Variants in ENTREP2 observed in about 807,000 individuals in gnomAD.
ENTREP2 encodes the protein endosomal transmembrane epsin interactor 2.
the ENTREP2 span, among the ~76,000 whole-genome samples, chr15:29,280,910 G>A: frequency 2.2e-4 from 34 of 152,152 alleles, no homozygotes; most frequent in East Asian, 4.6e-3. Flanking sequence ...AATCCCACAC[G>A]TTTGAGAGAG....
the ENTREP2 span, among the ~76,000 whole-genome samples, chr15:29,286,534 T>C: frequency 1.3e-5 from 2 of 152,210 alleles, no homozygotes; most frequent in African/African-American, 4.8e-5. Context: ...AAATGTGAAC[T>C]CCTTTTGTGG....
the ENTREP2 span, among the ~76,000 whole-genome samples, chr15:29,238,190 A>G: frequency 6.6e-6 from 1 of 152,208 alleles, no homozygotes; most frequent in Non-Finnish European, 1.5e-5. Flanking sequence ...TAGCCCAGGG[A>G]TGGGGGCAAG....
chr15:29,560,529 G>A, the ENTREP2 span, among the ~76,000 whole-genome samples: 1 of 152,214 alleles, frequency 6.6e-6, no homozygotes, highest in East Asian at 1.9e-4. Context: ...TGTGTCCACT[G>A]CCAGGGTGTC....
the ENTREP2 span, among the ~76,000 whole-genome samples, chr15:29,656,630 G>A: frequency 1.3e-5 from 2 of 152,172 alleles, no homozygotes; most frequent in Admixed American, 6.5e-5. Flanking sequence ...TGCCAGGGAA[G>A]TGCAAATTAA....
the ENTREP2 span, among the ~76,000 whole-genome samples, chr15:29,561,400 G>A: frequency 6.6e-4 from 100 of 152,188 alleles, 1 homozygote; most frequent in East Asian, 0.017. Context: ...AAATGTAGAA[G>A]GAATGGGCCG....
chr15:29,568,753 TGAA>T, the ENTREP2 span, among the ~76,000 whole-genome samples: 2 of 151,382 alleles, frequency 1.3e-5, no homozygotes, highest in African/African-American at 2.4e-5. Context: ...TTAGAGCTGT[TGAA>T]GAGAATAACA....
At chr15:29,530,966 A>G in the ENTREP2 span, among the ~76,000 whole-genome samples, 1 of 152,088 alleles carries the variant, frequency 6.6e-6, no homozygotes, top group African/African-American at 2.4e-5. Flanking sequence ...TCAAATGCAG[A>G]CCCATCCCAA....
the ENTREP2 span, among the ~76,000 whole-genome samples, chr15:29,621,089 G>A: frequency 6.6e-6 from 1 of 151,976 alleles, no homozygotes; most frequent in African/African-American, 2.4e-5. Context: ...AGTTGCTCCT[G>A]CTTAAAATGT....
chr15:29,130,105 G>T, the ENTREP2 span, among the ~76,000 whole-genome samples: 1 of 152,136 alleles, frequency 6.6e-6, no homozygotes, highest in African/African-American at 2.4e-5. Flanking sequence ...GGGGGCTGGG[G>T]CTGCAGCCTT....
the ENTREP2 span, among the ~76,000 whole-genome samples, chr15:29,491,895 G>A: frequency 2.5e-3 from 373 of 152,138 alleles, no homozygotes; most frequent in African/African-American, 8.7e-3. Context: ...TATCAATCTC[G>A]TTACTCAACT....
chr15:29,666,849 C>G, the ENTREP2 span, among the ~76,000 whole-genome samples: 5 of 152,216 alleles, frequency 3.3e-5, no homozygotes, highest in African/African-American at 9.6e-5. Flanking sequence ...AATCCAAAAT[C>G]AAGGTGTCTG....
the ENTREP2 span, among the ~76,000 whole-genome samples, chr15:29,563,754 T>G: frequency 6.6e-6 from 1 of 152,126 alleles, no homozygotes; most frequent in South Asian, 2.1e-4. Context: ...GGAGAATCGC[T>G]TGAACCCGGG....
At chr15:29,646,972 GACA>G in the ENTREP2 span, among the ~76,000 whole-genome samples, 1 of 152,194 alleles carries the variant, frequency 6.6e-6, no homozygotes, top group African/African-American at 2.4e-5. Context: ...ACCAACAGAA[GACA>G]ACATTGATTT....
At chr15:29,269,404 T>G in the ENTREP2 span, 1 of 1,614,188 alleles carries the variant, frequency 6.2e-7, no homozygotes. Context: ...AATCTTCTTC[T>G]GGTCTTTAAT....
chr15:29,442,060 C>T, the ENTREP2 span, among the ~76,000 whole-genome samples: 1 of 152,194 alleles, frequency 6.6e-6, no homozygotes, highest in African/African-American at 2.4e-5. Flanking sequence ...GTTTTATAAC[C>T]TCTGTTGCTG....
the ENTREP2 span, among the ~76,000 whole-genome samples, chr15:29,213,820 C>T: frequency 2.2e-3 from 342 of 152,152 alleles, 1 homozygote; most frequent in East Asian, 0.022. Context: ...TATCCAGAAT[C>T]TACAAAGAAC....
chr15:29,483,574 C>A, the ENTREP2 span, among the ~76,000 whole-genome samples: 1 of 152,168 alleles, frequency 6.6e-6, no homozygotes, highest in Non-Finnish European at 1.5e-5. Flanking sequence ...ATCCTTTTGC[C>A]CTTGAATTGT....
At chr15:29,136,483 A>G in the ENTREP2 span, 10 of 1,548,480 alleles carry the variant, frequency 6.5e-6, no homozygotes, top group African/African-American at 1.1e-4. Flanking sequence ...GAGACGGAGC[A>G]AAGTCCAGGT....
chr15:29,224,353 T>C, the ENTREP2 span, among the ~76,000 whole-genome samples: 39 of 152,058 alleles, frequency 2.6e-4, no homozygotes, highest in South Asian at 4.1e-4. Context: ...ATTGCAAACA[T>C]TGAAAGAACA....
Sources: gnomAD v4.1 joint callset for allele counts (sites outside exome capture counted in the v4.1 genomes callset) on GRCh38, gnomAD v4.1.1 for gene constraint, MANE v1.5 for transcripts, NCBI Gene and HGNC (gene_info 2026-07-23, HGNC 2026-07-21) for gene names.